Variants in TRIM49D1 observed in about 807,000 individuals in gnomAD.
The protein encoded by TRIM49D1 is tripartite motif containing 49D1.
intron 1 of TRIM49D1, among the ~76,000 whole-genome samples, chr11:89,921,159 T>C (rs988795512): frequency 6.6e-6 from 1 of 152,102 alleles, no homozygotes; most frequent in Non-Finnish European, 1.5e-5. Flanking sequence ...ACTCTACTAA[T>C]TTGAGGTCTC....
intron 1 of TRIM49D1, among the ~76,000 whole-genome samples, chr11:89,921,421 A>G (rs1950331640): frequency 6.6e-6 from 1 of 152,064 alleles, no homozygotes; most frequent in African/African-American, 2.4e-5. Context: ...AAAAGAAAAG[A>G]GATTTAAGAA....
Position 89,911,987 on chromosome 11 carries a change from TG to T in TRIM49D1, c.958del (p.His320IlefsTer90). ...CIGCDRQNAP[H>X]ITATPTSFLA... is the part of the protein sequence containing the mutation. ...AAAACTTGTAGGTGTTGCAGTGATA[TG>T]GGGCGCATTTTGACGGTCACATCCA... is the stretch of plus-strand genomic sequence containing the variant. On this transcript the variant is annotated frameshift_variant, in exon 8 of 8. Coordinates refer to ENST00000420869, the MANE Select transcript of TRIM49D1 (RefSeq NM_001384911.1). LOFTEE classifies it high-confidence loss of function. The T allele has an allele frequency of 8.6e-7, 1 of 1,160,362 alleles. No individual in the cohort carries two copies. Among genetic ancestry groups the T allele is most frequent in the Non-Finnish European group, 1.1e-6 (1 of 896,494 alleles). The allele number at this position is 1,160,362 out of a possible 1,614,324, so 71.9% of individuals were successfully genotyped here. A position where few individuals can be genotyped will look rare whatever the true frequency, so the allele number is the denominator to read the frequency against.
chr11:89,920,727 A>G (rs922678240), intron 1 of TRIM49D1, among the ~76,000 whole-genome samples: 3 of 152,130 alleles, frequency 2.0e-5, no homozygotes, highest in African/African-American at 7.2e-5. Context: ...CATCCAAGAT[A>G]CAGGCATTCC....
At chr11:89,921,440 T>A (rs1950331725) in intron 1 of TRIM49D1, among the ~76,000 whole-genome samples, 1 of 152,002 alleles carries the variant, frequency 6.6e-6, no homozygotes, top group African/African-American at 2.4e-5. Context: ...AAGCGGCTAC[T>A]CAAATATATT....
chr11:89,921,258 G>A lies in TRIM49D1; in HGVS notation c.-216+594C>T, dbSNP rs796206661. Reference sequence around the variant, plus strand: ...TTCTCCACATGGTGCATGATGTTCTGCCATGACTAGAAATGCAATATAGTA... The same window carrying A: ...TTCTCCACATGGTGCATGATGTTCTACCATGACTAGAAATGCAATATAGTA... On this transcript the variant is annotated intron_variant, in intron 1 of 7. Coordinates refer to ENST00000420869, the MANE Select transcript of TRIM49D1 (RefSeq NM_001384911.1). Among the ~76,000 whole-genome samples the A allele has an allele frequency of 3.2e-4, 48 of 152,008 alleles. 3 individuals are homozygous for A. Among genetic ancestry groups the A allele is most frequent in the African/African-American group, 9.9e-4 (41 of 41,406 alleles).
At chr11:89,921,080 A>C (rs1457891420) in intron 1 of TRIM49D1, among the ~76,000 whole-genome samples, 1 of 152,106 alleles carries the variant, frequency 6.6e-6, no homozygotes, top group African/African-American at 2.4e-5. Flanking sequence ...TTCGAAGAGA[A>C]GTCCAACAGG....
At position 89,921,366 on chromosome 11, in the gene TRIM49D1, T is replaced by A. The variant is rs546505899; in HGVS notation, c.-216+486A>T. Among the ~76,000 whole-genome samples the A allele has an allele frequency of 2.6e-5, 4 of 152,160 alleles. 1 individual carries two copies. The South Asian group carries it at 8.3e-4, about 32-fold the overall frequency. ...TCCAAATGATAGGGATGGATTATAT[T>A]TTTCTTTCTATAACAAATATTTTTG... On this transcript the variant is annotated intron_variant, in intron 1 of 7. Transcript: ENST00000420869.
chr11:89,921,506 A>G (rs564323498), intron 1 of TRIM49D1: 15 of 152,188 alleles, frequency 9.9e-5, no homozygotes, highest in Non-Finnish European at 1.3e-4. Flanking sequence ...CAAGAGTGTC[A>G]GAACAGTGAA....
At chr11:89,912,115 T>A in intron 7 of TRIM49D1, 29 bp from the exon 8 acceptor site, 1 of 1,316,580 alleles carries the variant, frequency 7.6e-7, no homozygotes, top group South Asian at 2.1e-5. Context: ...AATAAATAAA[T>A]AAATAAATAA....
rs747515647 is a variant in TRIM49D1, at chr11:89,921,968, A to G, written c.-332T>C. Among the ~76,000 whole-genome samples, 6 of 152,012 alleles carry G rather than the reference A, an allele frequency of 3.9e-5. No homozygotes were observed. The highest frequency in any genetic ancestry group is 7.3e-5 in the Non-Finnish European group (5 of 68,038). The stretch of plus-strand genomic sequence containing the variant: ...AACAATAAGAAAGTTTGTCTATGCC[A>G]CAAAGTCCAGTTTCATTCTCCTACA... On this transcript the variant is annotated 5_prime_UTR_variant, in exon 1 of 8. Coordinates refer to ENST00000420869, the MANE Select transcript of TRIM49D1 (RefSeq NM_001384911.1).
At position 89,922,039 on chromosome 11, in the gene TRIM49D1, C is replaced by T. The variant is rs1355369260; in HGVS notation, c.-403G>A. Among the ~76,000 whole-genome samples the T allele has an allele frequency of 6.6e-6, 1 of 151,978 alleles. No individual in the cohort carries two copies. On this transcript the variant is annotated 5_prime_UTR_variant, in exon 1 of 8. Transcript: ENST00000420869. ...AGCACCATTTGTTGAATAGGGTGTC[C>T]TCTCCCCACTTTATGTTTTTGTTTG...
intron 1 of TRIM49D1, among the ~76,000 whole-genome samples, chr11:89,921,290 T>C (rs1314760246): frequency 1.3e-5 from 2 of 152,064 alleles, no homozygotes; most frequent in African/African-American, 4.8e-5. Flanking sequence ...AGTAATTAAT[T>C]TGGGGATTAT....
rs1455822524 is a variant in TRIM49D1, at chr11:89,922,059, T to A, written c.-423A>T. ...GTGTCCTCTCCCCACTTTATGTTTTTGTTTGCTTTGTCAAAGATCAGTTGG... is the reference window on the plus strand; with the variant it reads ...GTGTCCTCTCCCCACTTTATGTTTTAGTTTGCTTTGTCAAAGATCAGTTGG... On this transcript the variant is annotated 5_prime_UTR_variant, in exon 1 of 8. Coordinates refer to ENST00000420869, the MANE Select transcript of TRIM49D1 (RefSeq NM_001384911.1). Among the ~76,000 whole-genome samples, 1 of 152,170 alleles carries A rather than the reference T, an allele frequency of 6.6e-6. No individual in the cohort carries two copies. The highest frequency in any genetic ancestry group is 6.5e-5 in the Admixed American group (1 of 15,282).
intron 1 of TRIM49D1, among the ~76,000 whole-genome samples, chr11:89,921,230 C>T (rs1304928903): frequency 6.6e-6 from 1 of 151,956 alleles, no homozygotes; most frequent in Non-Finnish European, 1.5e-5. Flanking sequence ...TATTTTAATG[C>T]TTTTCTCCAC....
In TRIM49D1 at chr11:89,911,654, A is replaced by ACTGGTTAT; in HGVS notation, c.1291_1292insATAACCAG (p.Ile431AsnfsTer63). ...GAAGGAGCAATTAGGGATGGTGTGTATAGGGGAGCTTTGATTAACATCAAC... is the reference window on the plus strand; with the variant it reads ...GAAGGAGCAATTAGGGATGGTGTGTACTGGTTATTAGGGGAGCTTTGATTAACATCAAC... On this transcript the variant is annotated frameshift_variant, in exon 8 of 8. Coordinates refer to ENST00000420869, the MANE Select transcript of TRIM49D1 (RefSeq NM_001384911.1). LOFTEE classifies it high-confidence loss of function. 1 of 738,424 alleles carries ACTGGTTAT rather than the reference A, an allele frequency of 1.4e-6. No homozygotes were observed. The highest frequency in any genetic ancestry group is 2.1e-6 in the Non-Finnish European group (1 of 467,204). The allele number at this position is 738,424 out of a possible 1,614,324, so 45.7% of individuals were successfully genotyped here.
At position 89,922,137 on chromosome 11, in the gene TRIM49D1, A is replaced by C. The variant is rs1338978745; in HGVS notation, c.-501T>G. Among the ~76,000 whole-genome samples the C allele has an allele frequency of 6.6e-6, 1 of 151,914 alleles. No individual in the cohort carries two copies. Among genetic ancestry groups the C allele is most frequent in the African/African-American group, 2.4e-5 (1 of 41,268 alleles). On this transcript the variant is annotated 5_prime_UTR_variant, in exon 1 of 8. Transcript: ENST00000420869. ...GTTCTCTATTCTGTTCCACTGGTCT[A>C]TGTGCCTATTTTTGTACCAGTACCA...
chr11:89,921,427 A>C (rs1950331679), intron 1 of TRIM49D1, among the ~76,000 whole-genome samples: 1 of 152,026 alleles, frequency 6.6e-6, no homozygotes, highest in Admixed American at 6.5e-5. Flanking sequence ...AAAGAGATTT[A>C]AGAAGCGGCT....
At position 89,920,431 on chromosome 11, in the gene TRIM49D1, C is replaced by G. The variant is rs1331303842; in HGVS notation, c.-137G>C. 6.6e-6 allele frequency: 1 copy of G among 151,128 alleles called. No individual in the cohort carries two copies. Among genetic ancestry groups the G allele is most frequent in the Non-Finnish European group, 1.3e-5 (1 of 78,888 alleles). The allele number at this position is 151,128 out of a possible 1,614,324, so 9.4% of individuals were successfully genotyped here. Reference sequence around the variant, plus strand: ...ACCAAAACACAGCTTCCTCTAAGTGCGCTCCTTCTCCTTTGGAGAAAACTG... The same window carrying G: ...ACCAAAACACAGCTTCCTCTAAGTGGGCTCCTTCTCCTTTGGAGAAAACTG... On this transcript the variant is annotated 5_prime_UTR_variant, in exon 2 of 8. Transcript: ENST00000420869.
chr11:89,921,114 T>C (rs985650312), intron 1 of TRIM49D1, among the ~76,000 whole-genome samples: 5 of 152,084 alleles, frequency 3.3e-5, no homozygotes, highest in African/African-American at 1.2e-4. Flanking sequence ...TTTTGTTTTC[T>C]ACCACTCTAA....
Sources: gnomAD v4.1 joint callset for allele counts (sites outside exome capture counted in the v4.1 genomes callset) on GRCh38, gnomAD v4.1.1 for gene constraint, MANE v1.5 for transcripts, NCBI Gene and HGNC (gene_info 2026-07-23, HGNC 2026-07-21) for gene names.